KIAA1549: variants seen among roughly 807,000 people sequenced by gnomAD.
The protein encoded by KIAA1549 is KIAA1549, also known as UPF0606 protein KIAA1549.
In KIAA1549, 70 loss-of-function variants were observed where a neutral mutation model predicts 156.4. The ratio of observed to expected loss-of-function variants is 0.45; its 90% CI spans 0.37 to 0.55. The LOEUF (loss-of-function observed/expected upper bound fraction) is 0.55, where lower values mean the gene tolerates loss of function less well. Ranked by LOEUF, KIAA1549 falls within the 20% of genes least tolerant of loss-of-function variation. The pLI is 0.00. For synonymous variants in KIAA1549, 1,103 were observed against 1,066.4 expected, an observed-to-expected ratio of 1.03 and a Z score of -0.67; for missense variants, 2,428 against 2,540.9, an observed-to-expected ratio of 0.96 and a Z score of 0.96.
chr7:138,880,121 T>G (rs768495935), intron 11 of KIAA1549, among the ~76,000 whole-genome samples: 1 of 152,234 alleles, frequency 6.6e-6, no homozygotes, highest in Non-Finnish European at 1.5e-5. Context: ...CACTGAGATC[T>G]GATTCTTTAT....
chr7:138,902,976 T>C (rs1811884165), intron 8 of KIAA1549, among the ~76,000 whole-genome samples: 1 of 152,212 alleles, frequency 6.6e-6, no homozygotes. Flanking sequence ...TAGGTGATGT[T>C]CACTTTATTC....
At chr7:138,975,482 T>C (rs952976091) in intron 1 of KIAA1549, among the ~76,000 whole-genome samples, 2 of 152,146 alleles carry the variant, frequency 1.3e-5, no homozygotes, top group Non-Finnish European at 2.9e-5. Context: ...TGACTTGATA[T>C]GTAGGAGCTA....
intron 8 of KIAA1549, among the ~76,000 whole-genome samples, chr7:138,899,760 C>G (rs1043334276): frequency 6.6e-6 from 1 of 152,132 alleles, no homozygotes; most frequent in East Asian, 1.9e-4. Flanking sequence ...GACAAAATCA[C>G]CCCCACCCAC....
At position 138,918,409 on chromosome 7, in the gene KIAA1549, G is replaced by A. The variant is rs757772617; in HGVS notation, c.1217C>T (p.Thr406Ile). 20 of 1,613,910 alleles carry A rather than the reference G, an allele frequency of 1.2e-5. No individual in the cohort carries two copies. Among genetic ancestry groups the A allele is most frequent in the Non-Finnish European group, 1.7e-5 (20 of 1,179,904 alleles). Residue 406 changes from threonine to isoleucine, a missense_variant, in exon 2 of 20, where the codon ACT becomes ATT. Physicochemically the swap from Thr to Ile is moderately conservative, Grantham distance 89 (BLOSUM62 -1). Transcript: ENST00000422774. The surrounding 1 kb of genome is among the most constrained non-coding windows in gnomAD (Gnocchi z 4.2). ...NSALPGPVDNTHILSPVSSFR... is the reference protein window; with the variant it reads ...NSALPGPVDNIHILSPVSSFR... The stretch of plus-strand genomic sequence containing the variant: ...TGAGGACACCGGGCTCAGGATATGA[G>A]TGTTGTCCACAGGACCGGGGAGGGC...
intron 1 of KIAA1549, among the ~76,000 whole-genome samples, chr7:138,959,926 A>G (rs1401152077): frequency 6.6e-6 from 1 of 152,230 alleles, no homozygotes; most frequent in Non-Finnish European, 1.5e-5. Flanking sequence ...AGTTCCCAGG[A>G]CTGGAGAGCA....
At chr7:138,864,129 G>A (rs916746903) in intron 15 of KIAA1549, among the ~76,000 whole-genome samples, 1 of 152,180 alleles carries the variant, frequency 6.6e-6, no homozygotes. Flanking sequence ...CGATGTTCCT[G>A]GCGGTGATTC....
chr7:138,871,267 G>T lies in KIAA1549; in HGVS notation c.4441C>A (p.Arg1481=). The T allele has an allele frequency of 6.2e-7, 1 of 1,611,454 alleles. No individual in the cohort carries two copies. The highest frequency in any genetic ancestry group is 1.1e-5 in the South Asian group (1 of 90,708). The stretch of plus-strand genomic sequence containing the variant: ...ATAAGCTGGATCTTACTGGGGACCC[G>T]CCGGCTAGCCTCCGGGGGGCGGGAG... ...RISRPPEASR[R]VPSKIQLIAM... Residue 1481 remains arginine, a synonymous_variant, in exon 13 of 20, where the codon CGG becomes AGG. Transcript: ENST00000422774.
rs112907893 is a variant in KIAA1549, at chr7:138,934,371, G to C, written c.188-14933C>G. Among the ~76,000 whole-genome samples the C allele has an allele frequency of 2.6e-3, 389 of 151,192 alleles. 3 individuals carry two copies. The highest frequency in any genetic ancestry group is 8.9e-3 in the African/African-American group (366 of 41,108). Reference sequence around the variant, plus strand: ...ACTTGTGAGAATTGGTGGGAATTCTGGTTAGAGGGCCTCTCTGAATACAGT... The same window carrying C: ...ACTTGTGAGAATTGGTGGGAATTCTCGTTAGAGGGCCTCTCTGAATACAGT... On this transcript the variant is annotated intron_variant, in intron 1 of 19. Coordinates refer to ENST00000422774, the MANE Select transcript of KIAA1549 (RefSeq NM_001164665.2).
chr7:138,939,020 AAATT>A (rs1267522790), intron 1 of KIAA1549, among the ~76,000 whole-genome samples: 4 of 149,846 alleles, frequency 2.7e-5, no homozygotes, highest in Non-Finnish European at 4.4e-5. Context: ...TCTCAAAAAA[AAATT>A]AATTAATTAA....
chr7:138,873,283 T>C lies in KIAA1549; in HGVS notation c.4346-1921A>G, dbSNP rs186097447. ...GTCTGAGCCAGAGGACACCATTGTC[T>C]GGACTCCAGCTATGCTCAAGCTTTC... On this transcript the variant is annotated intron_variant, in intron 12 of 19. Coordinates refer to ENST00000422774, the MANE Select transcript of KIAA1549 (RefSeq NM_001164665.2). 8.8e-3 allele frequency among the ~76,000 whole-genome samples: 1,340 copies of C among 152,340 alleles called. 12 individuals carry two copies. The highest frequency in any genetic ancestry group is 0.013 in the Non-Finnish European group (884 of 68,036).
intron 3 of KIAA1549, among the ~76,000 whole-genome samples, chr7:138,912,134 T>C (rs1812186550): frequency 6.6e-6 from 1 of 152,200 alleles, no homozygotes; most frequent in Non-Finnish European, 1.5e-5. Context: ...GTTCCAACTC[T>C]GCCAACACAT....
At chr7:138,884,685 T>C (rs1811341633) in intron 10 of KIAA1549, among the ~76,000 whole-genome samples, 1 of 152,262 alleles carries the variant, frequency 6.6e-6, no homozygotes, top group African/African-American at 2.4e-5. Context: ...TAGCATCACA[T>C]GGCAGACAGC....
At chr7:138,900,022 G>A (rs1317945995) in intron 8 of KIAA1549, among the ~76,000 whole-genome samples, 1 of 152,166 alleles carries the variant, frequency 6.6e-6, no homozygotes, top group Non-Finnish European at 1.5e-5. Flanking sequence ...GGATCAGCGA[G>A]GGCTCCGAGC....
At chr7:138,905,437 T>C (rs1010394909) in intron 6 of KIAA1549, among the ~76,000 whole-genome samples, 2 of 152,218 alleles carry the variant, frequency 1.3e-5, no homozygotes, top group Non-Finnish European at 2.9e-5. Context: ...AGTGACCACA[T>C]GCGTTGACCT....
Position 138,861,164 on chromosome 7 carries a change from G to C in KIAA1549, c.5222C>G (p.Ala1741Gly). The C allele has an allele frequency of 1.2e-6, 2 of 1,613,816 alleles. No individual in the cohort carries two copies. The highest frequency in any genetic ancestry group is 3.3e-4 in the Middle Eastern group (2 of 5,974). ...ACTGCAGGGATTGTTGGCCGTCTGGGCTGGGCTGTAGAAGGACCCCCACTG... is the reference window on the plus strand; with the variant it reads ...ACTGCAGGGATTGTTGGCCGTCTGGCCTGGGCTGTAGAAGGACCCCCACTG... ...ATQWGSFYSP[A>G]QTANNPCSRY... is the part of the protein sequence containing the mutation. Residue 1741 changes from alanine to glycine, a missense_variant, in exon 16 of 20, where the codon GCC becomes GGC. By Grantham distance (60) the Ala-to-Gly change is moderately conservative. Transcript: ENST00000422774.
chr7:138,880,397 C>A (rs1811207495), intron 11 of KIAA1549, among the ~76,000 whole-genome samples: 1 of 152,168 alleles, frequency 6.6e-6, no homozygotes, highest in South Asian at 2.1e-4. Context: ...TCTTAGCCTG[C>A]AAAATAATTA....
chr7:138,875,746 G>A (rs780864689), intron 12 of KIAA1549, among the ~76,000 whole-genome samples: 7 of 152,148 alleles, frequency 4.6e-5, no homozygotes, highest in Non-Finnish European at 1.0e-4. Flanking sequence ...AAGCAAGAGA[G>A]CATTTTTAAA....
intron 1 of KIAA1549, among the ~76,000 whole-genome samples, chr7:138,939,596 A>G (rs1033082685): frequency 1.1e-4 from 16 of 152,154 alleles, no homozygotes; most frequent in African/African-American, 3.9e-4. Context: ...TTAGATTCAG[A>G]ATCAATGTTT....
At chr7:138,922,188 G>A (rs952591570) in intron 1 of KIAA1549, among the ~76,000 whole-genome samples, 10 of 152,188 alleles carry the variant, frequency 6.6e-5, no homozygotes, top group Non-Finnish European at 1.3e-4. Context: ...ACGTCATCCC[G>A]AGTGTGGAAC....
Sources: gnomAD v4.1 joint callset for allele counts (sites outside exome capture counted in the v4.1 genomes callset) on GRCh38, gnomAD v4.1.1 for gene constraint, Gnocchi (gnomAD v3.1) non-coding constraint, MANE v1.5 for transcripts, NCBI Gene and HGNC (gene_info 2026-07-23, HGNC 2026-07-21) for gene names.